VAC14: variants seen among roughly 807,000 people sequenced by gnomAD.
VAC14 encodes the protein protein VAC14 homolog.
Under a neutral mutation model 85.3 loss-of-function variants are expected in VAC14, and 47 were observed. That is an observed-to-expected ratio of 0.55 (90% CI 0.44 to 0.70). VAC14 has a LOEUF of 0.70. Ranked by LOEUF, VAC14 falls within the 30% of genes least tolerant of loss-of-function variation. The pLI is 0.00. For missense variants in VAC14, 861 were observed against 1,004.3 expected, an observed-to-expected ratio of 0.86 and a Z score of 1.93; for synonymous variants, 447 against 430.5, an observed-to-expected ratio of 1.04 and a Z score of -0.47.
chr16:70,697,189 G>A lies in VAC14; in HGVS notation c.1905C>T (p.Leu635=). Residue 635 remains leucine, a synonymous_variant, in exon 16 of 19, where the codon CTC becomes CTT. Transcript: ENST00000261776. Reference sequence around the variant, plus strand: ...GCCGGTAGTTCTGGGTGAGGAAGCAGAGGGACACCGTGGTGACTGGGTTGT... The same window carrying A: ...GCCGGTAGTTCTGGGTGAGGAAGCAAAGGGACACCGTGGTGACTGGGTTGT... The part of the protein sequence containing the change: ...WCHNPVTTVS[L]CFLTQNYRHA... 4.3e-6 allele frequency: 7 copies of A among 1,614,078 alleles called. No homozygotes were observed. The highest frequency in any genetic ancestry group is 5.9e-6 in the Non-Finnish European group (7 of 1,179,976).
rs764069338 is a variant in VAC14 at position 70,762,569 on chromosome 16, G to C, written c.1342C>G (p.Leu448Val). The C allele has an allele frequency of 5.0e-6, 8 of 1,614,206 alleles. No homozygotes were observed. The highest frequency in any genetic ancestry group is 6.8e-6 in the Non-Finnish European group (8 of 1,180,026). ...RHTDSLFPILLQTLSDESDEV... is the reference protein window; with the variant it reads ...RHTDSLFPILVQTLSDESDEV... Reference sequence around the variant, plus strand: ...TCCGATTCATCCGATAACGTCTGCAGTAGGATGGGAAAGAGGCTGTCCGTG... The same window carrying C: ...TCCGATTCATCCGATAACGTCTGCACTAGGATGGGAAAGAGGCTGTCCGTG... The change falls in exon 12 of 19, where the codon CTG (leucine) becomes GTG (valine). Residue 448 changes from leucine to valine, a missense_variant. By Grantham distance (32) the Leu-to-Val change is conservative. Around this residue, in one of 3 missense-constraint regions of VAC14, gnomAD observed 629 missense variants for 703.1 expected, o/e 0.89. Transcript: ENST00000261776. This position sits in a 1 kb window ranked among gnomAD's most constrained non-coding sequence, Gnocchi z 4.1.
intron 12 of VAC14, chr16:70,745,154 AGGTGGTCCTC>A: frequency 6.5e-6 from 1 of 153,004 alleles, no homozygotes; most frequent in South Asian, 2.1e-4. Flanking sequence ...CAGACATGTC[AGGTGGTCCTC>A]GGTGGCTCTA....
In VAC14 at chr16:70,687,916, G is replaced by C. The variant is rs201590204; in HGVS notation, c.*12C>G. 1.3e-6 allele frequency: 2 copies of C among 1,522,408 alleles called. No homozygotes were observed. Among genetic ancestry groups the C allele is most frequent in the South Asian group, 1.3e-5 (1 of 79,036 alleles). 94.3% of individuals were successfully genotyped at this position (1,522,408 alleles called of 1,614,324 possible). On this transcript the variant is annotated 3_prime_UTR_variant, in exon 19 of 19. Coordinates refer to ENST00000261776, the MANE Select transcript of VAC14 (RefSeq NM_018052.5). Reference sequence around the variant, plus strand: ...GGGACCACTCGGTGGGCCCTCCTCCGTGCCAGGCCTGTCAGAGGACAACCC... The same window carrying C: ...GGGACCACTCGGTGGGCCCTCCTCCCTGCCAGGCCTGTCAGAGGACAACCC...
intron 12 of VAC14, among the ~76,000 whole-genome samples, chr16:70,758,553 A>C (rs563084683): frequency 6.6e-6 from 1 of 152,312 alleles, no homozygotes; most frequent in South Asian, 2.1e-4. Flanking sequence ...CTGAGGTCCC[A>C]CCATCGGGAC....
chr16:70,698,541 A>G lies in VAC14; in HGVS notation c.1836+96T>C, dbSNP rs557883957. On this transcript the variant is annotated intron_variant, in intron 15 of 18. Coordinates refer to ENST00000261776, the MANE Select transcript of VAC14 (RefSeq NM_018052.5). Reference sequence around the variant, plus strand: ...CGATTTCAACCCCGTCTTCTCCCTGAGAGCCTCCTGGGGCCAGCCGAGGGG... The same window carrying G: ...CGATTTCAACCCCGTCTTCTCCCTGGGAGCCTCCTGGGGCCAGCCGAGGGG... 1.1e-3 allele frequency: 1,661 copies of G among 1,474,914 alleles called. 1 individual carries two copies. Among genetic ancestry groups the G allele is most frequent in the Non-Finnish European group, 1.4e-3 (1,511 of 1,082,928 alleles). 91.4% of individuals were successfully genotyped at this position (1,474,914 alleles called of 1,614,324 possible).
intron 1 of VAC14, among the ~76,000 whole-genome samples, chr16:70,797,791 C>G (rs757694453): frequency 1.3e-5 from 2 of 152,108 alleles, no homozygotes; most frequent in Non-Finnish European, 2.9e-5. Flanking sequence ...CTCAAGAGAT[C>G]TGGTTGTTTG....
At chr16:70,755,864 C>G (rs964638073) in intron 12 of VAC14, 1 of 371,464 alleles carries the variant, frequency 2.7e-6, no homozygotes, top group Non-Finnish European at 5.3e-6. Context: ...CTTTGGGGGA[C>G]GGGAGAGAGC....
rs979486526 is a variant in VAC14, at chr16:70,692,822, C to T, written c.2185G>A (p.Glu729Lys). The T allele has an allele frequency of 1.1e-5, 17 of 1,597,404 alleles. No homozygotes were observed. Among genetic ancestry groups the T allele is most frequent in the Admixed American group, 5.3e-5 (3 of 56,728 alleles). ...CAGCAGTCCCCAGCCGGCACTCACTCGGTCTGCAGCAGCTCAGGGTTGGGC... is the reference window on the plus strand; with the variant it reads ...CAGCAGTCCCCAGCCGGCACTCACTTGGTCTGCAGCAGCTCAGGGTTGGGC... ...CVPNPELLQT[E>K]DSLKAAPKSQ... is the part of the protein sequence containing the mutation. The change falls in exon 18 of 19, where the codon GAA (glutamate) becomes AAA (lysine). Residue 729 changes from glutamate (E) to lysine (K), a missense_variant and splice_region_variant. Glu to Lys is a moderately conservative substitution (Grantham distance 56, BLOSUM62 1). Coordinates refer to ENST00000261776, the MANE Select transcript of VAC14 (RefSeq NM_018052.5).
At chr16:70,798,782 C>A (rs2143371259) in intron 1 of VAC14, among the ~76,000 whole-genome samples, 2 of 152,300 alleles carry the variant, frequency 1.3e-5, no homozygotes, top group East Asian at 3.9e-4. Context: ...TGTCTGTAGG[C>A]CACGCTTTTG....
At chr16:70,770,860 TA>T (rs1175306966) in intron 10 of VAC14, 4 of 152,308 alleles carry the variant, frequency 2.6e-5, no homozygotes, top group African/African-American at 9.6e-5. Context: ...GTACATTTCA[TA>T]AACGGCTGCA....
chr16:70,740,867 C>T (rs1418644123), intron 13 of VAC14, among the ~76,000 whole-genome samples: 3 of 152,186 alleles, frequency 2.0e-5, no homozygotes, highest in South Asian at 2.1e-4. Context: ...CAAGGCCAGG[C>T]GAGAGGAAAA....
intron 14 of VAC14, among the ~76,000 whole-genome samples, chr16:70,721,763 G>C (rs931301780): frequency 6.6e-6 from 1 of 152,076 alleles, no homozygotes; most frequent in African/African-American, 2.4e-5. Context: ...CGGATTGCGG[G>C]CTGGCGGATC....
chr16:70,745,740 G>A (rs2143013422), intron 12 of VAC14, among the ~76,000 whole-genome samples: 1 of 152,346 alleles, frequency 6.6e-6, no homozygotes, highest in South Asian at 2.1e-4. Flanking sequence ...CCCAGCAGAT[G>A]CCCAACAAAC....
At chr16:70,779,161 T>C (rs1014996227) in intron 9 of VAC14, 3 of 152,334 alleles carry the variant, frequency 2.0e-5, no homozygotes, top group Admixed American at 1.3e-4. Flanking sequence ...TGATTCACAG[T>C]GGTGATGGCA....
At position 70,698,624 on chromosome 16, in the gene VAC14, G is replaced by A. The variant is rs541791197; in HGVS notation, c.1836+13C>T. ...AGGAGACGCCTGAGGATGGAGTCCC[G>A]GACGCAGCCTACCAGGGTCTTCAGG... On this transcript the variant is annotated intron_variant, in intron 15 of 18. Transcript: ENST00000261776. 94 of 1,613,774 alleles carry A rather than the reference G, an allele frequency of 5.8e-5. 1 individual carries two copies. Among genetic ancestry groups the A allele is most frequent in the South Asian group, 4.3e-4 (39 of 91,044 alleles).
chr16:70,775,956 T>C (rs1180085831), intron 9 of VAC14, among the ~76,000 whole-genome samples: 3 of 152,208 alleles, frequency 2.0e-5, no homozygotes, highest in Admixed American at 6.5e-5. Flanking sequence ...TATTTCCAAA[T>C]TGGAAGAGCA....
chr16:70,737,854 C>A (rs1218465057), intron 13 of VAC14, among the ~76,000 whole-genome samples: 1 of 152,216 alleles, frequency 6.6e-6, no homozygotes, highest in Non-Finnish European at 1.5e-5. Flanking sequence ...TCAACAGAAC[C>A]AGATGTGAAA....
At chr16:70,733,895 G>T (rs2143004293) in intron 13 of VAC14, among the ~76,000 whole-genome samples, 2 of 152,192 alleles carry the variant, frequency 1.3e-5, no homozygotes, top group South Asian at 4.2e-4. Context: ...GCACGGTCTT[G>T]GCTCACTGCA....
chr16:70,701,450 AC>A (rs1282251889), intron 14 of VAC14, among the ~76,000 whole-genome samples: 2 of 151,202 alleles, frequency 1.3e-5, no homozygotes, highest in African/African-American at 2.4e-5. Context: ...AGTCATCCTG[AC>A]CCCCAGTCCC....
Sources: allele counts gnomAD v4.1 joint callset (sites outside exome capture counted in the v4.1 genomes callset), GRCh38; gene constraint gnomAD v4.1.1; regional missense constraint gnomAD v4.1.1; non-coding constraint Gnocchi (gnomAD v3.1); transcripts MANE v1.5; gene names NCBI Gene and HGNC (gene_info 2026-07-23, HGNC 2026-07-21).